Variants in CSPG4 observed in about 807,000 individuals in gnomAD.
The protein encoded by CSPG4 is chondroitin sulfate proteoglycan 4 (melanoma-associated).
A neutral mutation model predicts 139.3 loss-of-function variants in CSPG4; 74 were observed. The observed-to-expected ratio is 0.53, with a 90% CI of 0.44 to 0.64. The LOEUF is 0.64. Ranked by LOEUF, CSPG4 falls within the 30% of genes least tolerant of loss-of-function variation. The pLI is 0.00. For synonymous variants in CSPG4, 1,234 were observed against 1,394.2 expected (o/e 0.89, Z 2.56); for missense variants, 2,565 against 3,148.3 (o/e 0.81, Z 4.43).
At position 75,689,484 on chromosome 15, in the gene CSPG4, C is replaced by T; in HGVS notation, c.1581G>A (p.Arg527=). Reference sequence around the variant, plus strand: ...TCCGAAGGCATGAGGGCATGGGCACCCGAGCCGTCACCGACACCTCCAGCA... The same window carrying T: ...TCCGAAGGCATGAGGGCATGGGCACTCGAGCCGTCACCGACACCTCCAGCA... The part of the protein sequence containing the change: ...QLVLEVSVTA[R]VPMPSCLRRG... The change falls in exon 3 of 10, where the codon CGG becomes CGA. Residue 527 remains arginine, a synonymous_variant. Coordinates refer to ENST00000308508, the MANE Select transcript of CSPG4 (RefSeq NM_001897.5). 1 of 1,612,850 alleles carries T rather than the reference C, an allele frequency of 6.2e-7. No homozygotes were observed. The highest frequency in any genetic ancestry group is 1.7e-5 in the Admixed American group (1 of 60,018).
intron 1 of CSPG4, among the ~76,000 whole-genome samples, chr15:75,704,458 G>C (rs1414654485): frequency 6.6e-6 from 1 of 152,226 alleles, no homozygotes; most frequent in African/African-American, 2.4e-5. Flanking sequence ...GAAGCACACG[G>C]GCCCCAGATG....
intron 1 of CSPG4, among the ~76,000 whole-genome samples, chr15:75,701,614 C>T (rs1894302051): frequency 6.6e-6 from 1 of 152,178 alleles, no homozygotes; most frequent in Non-Finnish European, 1.5e-5. Context: ...CCCACCGCCA[C>T]CACACTCCCT....
At chr15:75,699,086 C>T (rs1894267426) in intron 1 of CSPG4, among the ~76,000 whole-genome samples, 1 of 152,216 alleles carries the variant, frequency 6.6e-6, no homozygotes, top group African/African-American at 2.4e-5. Flanking sequence ...GGACTGCCTG[C>T]TCCTCTCCTG....
At position 75,677,764 on chromosome 15, in the gene CSPG4, A is replaced by T. The variant is rs1158339949; in HGVS notation, c.5073T>A (p.Ala1691=). 8 of 1,611,286 alleles carry T rather than the reference A, an allele frequency of 5.0e-6. No individual in the cohort carries two copies. The African/African-American group carries it at 1.1e-4, about 22-fold the overall frequency. Residue 1691 remains alanine (A), a synonymous_variant, in exon 9 of 10, where the codon GCT becomes GCA. Transcript: ENST00000308508. ...PPARDVAATL[A]VAVSFEAACP... is the part of the protein sequence containing the mutation. ...AGGCAGCCTCAAAAGACACAGCCACAGCAAGGGTGGCGGCCACGTCCCGGG... is the reference window on the plus strand; with the variant it reads ...AGGCAGCCTCAAAAGACACAGCCACTGCAAGGGTGGCGGCCACGTCCCGGG...
At position 75,687,510 on chromosome 15, in the gene CSPG4, T is replaced by G; in HGVS notation, c.3555A>C (p.Thr1185=). ...GQLVRAGQPA[T]AFSQQDLLDG... ...CCAGCAGGTCCTGCTGGGAGAAGGCTGTGGCTGGCTGACCAGCCCGGACTA... is the reference window on the plus strand; with the variant it reads ...CCAGCAGGTCCTGCTGGGAGAAGGCGGTGGCTGGCTGACCAGCCCGGACTA... The change falls in exon 3 of 10, where the codon ACA becomes ACC. Residue 1185 remains threonine (T), a synonymous_variant. Coordinates refer to ENST00000308508, the MANE Select transcript of CSPG4 (RefSeq NM_001897.5). This position sits in a 1 kb window ranked among gnomAD's most constrained non-coding sequence, Gnocchi z 5.4. The G allele has an allele frequency of 1.2e-6, 2 of 1,612,186 alleles. No individual in the cohort carries two copies. The highest frequency in any genetic ancestry group is 1.7e-5 in the Admixed American group (1 of 59,994).
chr15:75,711,644 G>A (rs1444661167), intron 1 of CSPG4, among the ~76,000 whole-genome samples: 1 of 152,284 alleles, frequency 6.6e-6, no homozygotes, highest in Non-Finnish European at 1.5e-5. Flanking sequence ...CCATCTGAAG[G>A]AGAGAAGGGT....
At chr15:75,713,272 C>G (rs1894475779), upstream of CSPG4, among the ~76,000 whole-genome samples, 1 of 152,192 alleles carries the variant, frequency 6.6e-6, no homozygotes, top group African/African-American at 2.4e-5. Flanking sequence ...GCTGCTTTGC[C>G]TCGGAGGTCC....
intron 3 of CSPG4, among the ~76,000 whole-genome samples, chr15:75,686,598 C>T (rs1238501118): frequency 6.6e-6 from 1 of 152,238 alleles, no homozygotes; most frequent in Non-Finnish European, 1.5e-5. Context: ...GGCCTGTGCT[C>T]TTCAGAGCCC....
rs571159007 is a variant in CSPG4, at chr15:75,687,937, G to A, written c.3128C>T (p.Ala1043Val). The A allele has an allele frequency of 2.5e-6, 4 of 1,612,958 alleles. No homozygotes were observed. In the African/African-American group the frequency reaches 5.3e-5, roughly 21 times the overall value. ...GRRLLTTDDV[A>V]FSDADSGFAD... ...AAAGCCCGAGTCAGCATCGCTGAAG[G>A]CCACGTCGTCTGTAGTCAGCAGCCG... The change falls in exon 3 of 10, where the codon GCC becomes GTC. Residue 1043 changes from alanine to valine, a missense_variant. By Grantham distance (64) the Ala-to-Val change is moderately conservative (BLOSUM62 0). Coordinates refer to ENST00000308508, the MANE Select transcript of CSPG4 (RefSeq NM_001897.5). This position sits in a 1 kb window ranked among gnomAD's most constrained non-coding sequence, Gnocchi z 5.4.
At chr15:75,709,141 G>A (rs971813720) in intron 1 of CSPG4, among the ~76,000 whole-genome samples, 4 of 152,186 alleles carry the variant, frequency 2.6e-5, no homozygotes, top group Non-Finnish European at 5.9e-5. Context: ...CTTGCCCCAC[G>A]GAGGAGCCAA....
At chr15:75,692,642 G>C (rs1298305240) in intron 2 of CSPG4, among the ~76,000 whole-genome samples, 1 of 152,254 alleles carries the variant, frequency 6.6e-6, no homozygotes, top group Non-Finnish European at 1.5e-5. Flanking sequence ...CAGGGGTCAT[G>C]GGGGCTCAGG....
In CSPG4 at chr15:75,676,198, G is replaced by T; in HGVS notation, c.6321C>A (p.Ser2107Arg). 6.4e-7 allele frequency: 1 copy of T among 1,550,512 alleles called. No individual in the cohort carries two copies. The highest frequency in any genetic ancestry group is 8.7e-7 in the Non-Finnish European group (1 of 1,154,850). ...GCTGAGTGAACTGCTCCACCAGCTGGCTGCCCCCGGGCTCCGTCCTGGCTC... is the reference window on the plus strand; with the variant it reads ...GCTGAGTGAACTGCTCCACCAGCTGTCTGCCCCCGGGCTCCGTCCTGGCTC... ...VPRARTEPGG[S>R]QLVEQFTQQD... Residue 2107 changes from serine (S) to arginine (R), a missense_variant, in exon 10 of 10, where the codon AGC becomes AGA. Physicochemically the swap from Ser to Arg is moderately radical, Grantham distance 110. Coordinates refer to ENST00000308508, the MANE Select transcript of CSPG4 (RefSeq NM_001897.5).
In CSPG4 at chr15:75,688,611, G is replaced by A; in HGVS notation, c.2454C>T (p.Pro818=). Residue 818 remains proline (P), a synonymous_variant, in exon 3 of 10, where the codon CCC becomes CCT. Coordinates refer to ENST00000308508, the MANE Select transcript of CSPG4 (RefSeq NM_001897.5). ...GAACCACCTCATAATGGAAGGTTGG[G>A]GGGCTTGGGCCTGCCTCCTCCAGGG... The part of the protein sequence containing the change: ...EATLEEAGPS[P]PTFHYEVVQA... 1 of 1,612,924 alleles carries A rather than the reference G, an allele frequency of 6.2e-7. No homozygotes were observed. Among genetic ancestry groups the A allele is most frequent in the Non-Finnish European group, 8.5e-7 (1 of 1,179,954 alleles).
rs1893895355 is a variant in CSPG4, at chr15:75,676,544, A to G, written c.5975T>C (p.Val1992Ala). ...IQGPQYGHLL[V>A]GGRPTSAFSQ... is the part of the protein sequence containing the mutation. ...GAAGGCCGAGGTGGGCCGCCCGCCCACCAGGAGATGCCCATACTGGGGTCC... is the reference window on the plus strand; with the variant it reads ...GAAGGCCGAGGTGGGCCGCCCGCCCGCCAGGAGATGCCCATACTGGGGTCC... The change falls in exon 10 of 10, where the codon GTG becomes GCG. Residue 1992 changes from valine (V) to alanine (A), a missense_variant. By Grantham distance (64) the Val-to-Ala change is moderately conservative. This residue lies in a region of CSPG4 where 2,316 missense variants were observed against 2,818.2 expected (regional missense o/e 0.82). Transcript: ENST00000308508. 1 of 1,613,576 alleles carries G rather than the reference A, an allele frequency of 6.2e-7. No individual in the cohort carries two copies. The highest frequency in any genetic ancestry group is 1.3e-5 in the African/African-American group (1 of 74,938).
intron 1 of CSPG4, among the ~76,000 whole-genome samples, chr15:75,709,208 T>G (rs1894413183): frequency 1.3e-5 from 2 of 152,054 alleles, no homozygotes; most frequent in East Asian, 1.9e-4. Flanking sequence ...ACAAACTCAG[T>G]AGGAATGGTA....
chr15:75,695,471 T>C (rs932486527), intron 1 of CSPG4, among the ~76,000 whole-genome samples: 1 of 152,058 alleles, frequency 6.6e-6, no homozygotes, highest in Non-Finnish European at 1.5e-5. Context: ...TCACACAGGC[T>C]GTCTTGTGCT....
At chr15:75,710,596 G>T (rs369143641) in intron 1 of CSPG4, among the ~76,000 whole-genome samples, 4,107 of 152,110 alleles carry the variant, frequency 0.027, 206 homozygotes, top group African/African-American at 0.093. Flanking sequence ...GGCCTCTAGG[G>T]TGCTGACTGC....
chr15:75,695,822 CGAGT>C (rs1894219912), intron 1 of CSPG4, among the ~76,000 whole-genome samples: 1 of 151,930 alleles, frequency 6.6e-6, no homozygotes, highest in South Asian at 2.1e-4. Context: ...GCAGCAAGGC[CGAGT>C]GAGACTGGCA....
rs1276071449 is a variant in CSPG4 at position 75,698,886 on chromosome 15, A to C, written c.89-5653T>G. On this transcript the variant is annotated intron_variant, in intron 1 of 9. Coordinates refer to ENST00000308508, the MANE Select transcript of CSPG4 (RefSeq NM_001897.5). This position sits in a 1 kb window ranked among gnomAD's most constrained non-coding sequence, Gnocchi z 4.3. ...GGAGACTTAAGGTCAGACTAAGGGG[A>C]GCGACCTGCCCAGTGATGACACTGG... Among the ~76,000 whole-genome samples, 3 of 152,078 alleles carry C rather than the reference A, an allele frequency of 2.0e-5. No homozygotes were observed. Among genetic ancestry groups the C allele is most frequent in the African/African-American group, 7.2e-5 (3 of 41,442 alleles).
Sources: allele counts gnomAD v4.1 joint callset (sites outside exome capture counted in the v4.1 genomes callset), GRCh38; gene constraint gnomAD v4.1.1; regional missense constraint gnomAD v4.1.1; non-coding constraint Gnocchi (gnomAD v3.1); transcripts MANE v1.5; gene names NCBI Gene and HGNC (gene_info 2026-07-23, HGNC 2026-07-21).